Variants in FAM171A1 observed in about 807,000 individuals in gnomAD.
The protein encoded by FAM171A1 is family with sequence similarity 171 member A1.
In FAM171A1, 23 loss-of-function variants were observed where a neutral mutation model predicts 74.9. The ratio of observed to expected loss-of-function variants is 0.31; its 90% CI spans 0.22 to 0.44. The LOEUF (loss-of-function observed/expected upper bound fraction) is 0.44, where lower values mean the gene tolerates loss of function less well. Ranked by LOEUF, FAM171A1 falls within the 20% of genes least tolerant of loss-of-function variation. The probability of loss-of-function intolerance (pLI) is 1.00; values close to 1 mark genes in which losing one functional copy is unlikely to be tolerated. For missense variants in FAM171A1, 1,162 were observed against 1,159.2 expected (o/e 1.00, Z -0.03); for synonymous variants, 527 against 505.7 (o/e 1.04, Z -0.57).
chr10:15,361,377 G>C (rs1229805427), intron 1 of FAM171A1, among the ~76,000 whole-genome samples: 1 of 152,140 alleles, frequency 6.6e-6, no homozygotes, highest in African/African-American at 2.4e-5. Flanking sequence ...GGCTACTAAT[G>C]GCTGTTCTTG....
At chr10:15,228,344 T>TC (rs1450651474) in intron 5 of FAM171A1, among the ~76,000 whole-genome samples, 2 of 150,814 alleles carry the variant, frequency 1.3e-5, no homozygotes, top group Non-Finnish European at 3.0e-5. Context: ...GTATTTTTTT[T>TC]TTTTTTTTTT....
chr10:15,253,444 C>G (rs1177028513), intron 4 of FAM171A1, among the ~76,000 whole-genome samples: 1 of 152,080 alleles, frequency 6.6e-6, no homozygotes. Context: ...CAAGTACTGA[C>G]ATATTTACTG....
intron 1 of FAM171A1, among the ~76,000 whole-genome samples, chr10:15,349,308 T>C (rs1835852466): frequency 6.6e-6 from 1 of 152,208 alleles, no homozygotes; most frequent in Non-Finnish European, 1.5e-5. Flanking sequence ...GCTTACTGAG[T>C]AGTTAACTGC....
chr10:15,217,867 A>G (rs1321223912), intron 6 of FAM171A1, among the ~76,000 whole-genome samples: 1 of 152,008 alleles, frequency 6.6e-6, no homozygotes, highest in African/African-American at 2.4e-5. Context: ...TCCTGACCTC[A>G]TCATCCACCT....
intron 1 of FAM171A1, among the ~76,000 whole-genome samples, chr10:15,327,442 T>C (rs1188048355): frequency 1.3e-5 from 2 of 152,104 alleles, no homozygotes; most frequent in Non-Finnish European, 2.9e-5. Flanking sequence ...TTGAGCCCAG[T>C]AGTTCAAGAC....
chr10:15,245,334 T>C (rs1271849307), intron 5 of FAM171A1, among the ~76,000 whole-genome samples: 5 of 152,202 alleles, frequency 3.3e-5, no homozygotes, highest in African/African-American at 1.2e-4. Flanking sequence ...CCCAAAGTGC[T>C]GGTATTACAG....
At chr10:15,340,291 T>C (rs1835750907) in intron 1 of FAM171A1, among the ~76,000 whole-genome samples, 1 of 152,160 alleles carries the variant, frequency 6.6e-6, no homozygotes, top group Non-Finnish European at 1.5e-5. Flanking sequence ...TTGTTGCTTG[T>C]ACATGTGCGT....
chr10:15,359,926 C>CTGTTTGTT (rs111447117), intron 1 of FAM171A1, among the ~76,000 whole-genome samples: 131 of 152,004 alleles, frequency 8.6e-4, no homozygotes, highest in African/African-American at 3.1e-3. Flanking sequence ...CATGGCCCAG[C>CTGTTTGTT]TGTTTGTTTG....
rs745311860 is a variant in FAM171A1 at position 15,212,899 on chromosome 10, G to T, written c.*16C>A. On this transcript the variant is annotated 3_prime_UTR_variant, in exon 8 of 8. Transcript: ENST00000378116. ...TGGCAATTTTATATTCCACAGTCAG[G>T]TGGGTCTGCGATAGCTCATTTAATG... 6.2e-7 allele frequency: 1 copy of T among 1,611,516 alleles called. No homozygotes were observed. The highest frequency in any genetic ancestry group is 1.3e-5 in the African/African-American group (1 of 74,724).
At chr10:15,297,491 T>C (rs1835175324) in intron 1 of FAM171A1, among the ~76,000 whole-genome samples, 1 of 152,190 alleles carries the variant, frequency 6.6e-6, no homozygotes, top group African/African-American at 2.4e-5. Flanking sequence ...AAACAATCAG[T>C]GGATTTCTGC....
At chr10:15,217,468 A>G (rs1248673831) in intron 6 of FAM171A1, among the ~76,000 whole-genome samples, 3 of 152,234 alleles carry the variant, frequency 2.0e-5, no homozygotes, top group African/African-American at 7.2e-5. Context: ...AGACCTAGAT[A>G]AACCCAAGAT....
At chr10:15,224,874 T>C (rs183724583) in intron 5 of FAM171A1, among the ~76,000 whole-genome samples, 1 of 152,284 alleles carries the variant, frequency 6.6e-6, no homozygotes, top group East Asian at 1.9e-4. Flanking sequence ...TGCCAGGCAG[T>C]CTTCACAATG....
At chr10:15,248,928 T>C in intron 4 of FAM171A1, 113 bp from the exon 5 acceptor site, 1 of 950,048 alleles carries the variant, frequency 1.1e-6, no homozygotes, top group Non-Finnish European at 1.5e-6. Flanking sequence ...TGCCAGGGAC[T>C]GCATGAAGCA....
At chr10:15,221,196 G>A (rs1834035268) in intron 5 of FAM171A1, 136 bp from the exon 6 acceptor site, 1 of 611,088 alleles carries the variant, frequency 1.6e-6, no homozygotes, top group African/African-American at 1.9e-5. Context: ...TGGCCAAAGT[G>A]TCATCTAGGG....
rs1409666645 is a variant in FAM171A1, at chr10:15,213,391, TC to T, written c.2196del (p.Asn733ThrfsTer12). 1 of 1,614,188 alleles carries T rather than the reference TC, an allele frequency of 6.2e-7. No individual in the cohort carries two copies. Among genetic ancestry groups the T allele is most frequent in the East Asian group, 2.2e-5 (1 of 44,878 alleles). On this transcript the variant is annotated frameshift_variant, in exon 8 of 8. Transcript: ENST00000378116. LOFTEE classifies it high-confidence loss of function. This position sits in a 1 kb window ranked among gnomAD's most constrained non-coding sequence, Gnocchi z 6.8. Reference sequence around the variant, plus strand: ...TCCAAACTGGCATCATTACTTCCGTTCCTTCCAGCTCTTTGGAGATCAATGT... The same window carrying T: ...TCCAAACTGGCATCATTACTTCCGTTCTTCCAGCTCTTTGGAGATCAATGT... ...HSYIDLQRAG[R>X]NGSNDASLDS...
intron 1 of FAM171A1, among the ~76,000 whole-genome samples, chr10:15,322,892 C>T (rs182993831): frequency 1.2e-4 from 19 of 152,320 alleles, no homozygotes; most frequent in Middle Eastern, 3.4e-3. Flanking sequence ...GTAATCCCAG[C>T]ACTTTGGGAG....
At chr10:15,221,911 A>G (rs1318146233) in intron 5 of FAM171A1, among the ~76,000 whole-genome samples, 2 of 152,086 alleles carry the variant, frequency 1.3e-5, no homozygotes, top group Non-Finnish European at 2.9e-5. Flanking sequence ...ATTTGATTGC[A>G]TTTTTACTTT....
At chr10:15,364,640 C>T (rs991755998) in intron 1 of FAM171A1, among the ~76,000 whole-genome samples, 6 of 152,188 alleles carry the variant, frequency 3.9e-5, no homozygotes, top group African/African-American at 1.4e-4. Flanking sequence ...TCTTACAGTT[C>T]TGGAGGTCGG....
chr10:15,324,237 C>G (rs945747858), intron 1 of FAM171A1, among the ~76,000 whole-genome samples: 60 of 152,134 alleles, frequency 3.9e-4, no homozygotes, highest in African/African-American at 1.4e-3. Flanking sequence ...TGAGACCCAA[C>G]TTCCTTCCTT....
Sources: gnomAD v4.1 joint callset for allele counts (sites outside exome capture counted in the v4.1 genomes callset) on GRCh38, gnomAD v4.1.1 for gene constraint, Gnocchi (gnomAD v3.1) non-coding constraint, MANE v1.5 for transcripts, NCBI Gene and HGNC (gene_info 2026-07-23, HGNC 2026-07-21) for gene names.